Variants in NELL1 observed in about 807,000 individuals in gnomAD.
The protein encoded by NELL1 is neural EGFL like 1.
A neutral mutation model predicts 107.4 loss-of-function variants in NELL1; 76 were observed. That is an observed-to-expected ratio of 0.71 (90% confidence interval 0.59 to 0.86). The LOEUF is 0.86. Among genes scored for constraint, NELL1 ranks in the 40% least tolerant of loss-of-function variants. The probability of loss-of-function intolerance (pLI) is 0.00; values close to 1 mark genes in which losing one functional copy is unlikely to be tolerated. For missense variants in NELL1, 1,024 were observed against 1,005.5 expected (o/e 1.02, Z -0.25); for synonymous variants, 353 against 341.2 (o/e 1.03, Z -0.38).
chr11:20,745,077 C>T (rs1290498625), intron 2 of NELL1, among the ~76,000 whole-genome samples: 6 of 152,134 alleles, frequency 3.9e-5, no homozygotes, highest in Non-Finnish European at 7.4e-5. Context: ...CCAGGTATCA[C>T]TTCATTTACT....
intron 12 of NELL1, among the ~76,000 whole-genome samples, chr11:21,017,231 C>G (rs766647876): frequency 1.8e-4 from 27 of 152,214 alleles, no homozygotes; most frequent in Non-Finnish European, 3.1e-4. Flanking sequence ...CTGTTGCAGC[C>G]AGACACCTGG....
intron 15 of NELL1, among the ~76,000 whole-genome samples, chr11:21,431,833 G>A (rs1241187918): frequency 6.6e-6 from 1 of 152,100 alleles, no homozygotes; most frequent in Non-Finnish European, 1.5e-5. Flanking sequence ...GCTGTTAGCT[G>A]TTTCTCAACA....
chr11:21,265,082 C>G (rs1399634913), intron 14 of NELL1, among the ~76,000 whole-genome samples: 1 of 151,838 alleles, frequency 6.6e-6, no homozygotes, highest in East Asian at 1.9e-4. Flanking sequence ...TAAGCTGTTT[C>G]CAATTTCTAA....
chr11:21,289,711 G>T (rs952368961), intron 14 of NELL1, among the ~76,000 whole-genome samples: 1 of 152,164 alleles, frequency 6.6e-6, no homozygotes, highest in African/African-American at 2.4e-5. Flanking sequence ...AGGTGGTCTA[G>T]CTCATTGGAT....
chr11:21,376,339 T>G (rs948060193), intron 15 of NELL1, among the ~76,000 whole-genome samples: 2 of 152,170 alleles, frequency 1.3e-5, no homozygotes, highest in Admixed American at 6.6e-5. Context: ...GTCAACTTTA[T>G]TGAAGATCAG....
chr11:21,044,977 A>G (rs1330115460), intron 12 of NELL1, among the ~76,000 whole-genome samples: 1 of 152,178 alleles, frequency 6.6e-6, no homozygotes. Flanking sequence ...AAGCACAGAA[A>G]AGTAGAAAGT....
At chr11:21,197,038 A>C (rs1857169700) in intron 13 of NELL1, among the ~76,000 whole-genome samples, 1 of 151,102 alleles carries the variant, frequency 6.6e-6, no homozygotes, top group South Asian at 2.1e-4. Context: ...TGCCCGGCTA[A>C]TTTTTGTATT....
At chr11:20,829,295 C>T (rs142445866) in intron 3 of NELL1, among the ~76,000 whole-genome samples, 10,089 of 147,766 alleles carry the variant, frequency 0.068, 341 homozygotes, top group South Asian at 0.088. Flanking sequence ...GGTGCAATCG[C>T]GGCTCACTGC....
chr11:20,940,198 TC>T (rs1188415262), intron 10 of NELL1, among the ~76,000 whole-genome samples: 1 of 151,872 alleles, frequency 6.6e-6, no homozygotes, highest in Non-Finnish European at 1.5e-5. Context: ...CGTCCCTCTC[TC>T]TCTCTCTCTG....
intron 13 of NELL1, among the ~76,000 whole-genome samples, chr11:21,181,975 C>G (rs1364858771): frequency 4.0e-5 from 6 of 151,864 alleles, no homozygotes; most frequent in Non-Finnish European, 8.8e-5. Flanking sequence ...TTAATTCTCA[C>G]AACTATCTAA....
intron 14 of NELL1, among the ~76,000 whole-genome samples, chr11:21,317,996 TG>T (rs1309128968): frequency 6.6e-6 from 1 of 152,152 alleles, no homozygotes; most frequent in Non-Finnish European, 1.5e-5. Context: ...GGGTAAGACA[TG>T]GTGCCTCTAT....
At chr11:21,133,971 C>G (rs189812071) in intron 13 of NELL1, among the ~76,000 whole-genome samples, 1 of 152,370 alleles carries the variant, frequency 6.6e-6, no homozygotes, top group Non-Finnish European at 1.5e-5. Context: ...CATGCCTCCT[C>G]CACTGCAGCT....
chr11:20,758,388 C>T (rs1856344897), intron 2 of NELL1, among the ~76,000 whole-genome samples: 1 of 152,144 alleles, frequency 6.6e-6, no homozygotes, highest in Non-Finnish European at 1.5e-5. Flanking sequence ...ATGAATCTGG[C>T]TCCAAACCAC....
intron 4 of NELL1, among the ~76,000 whole-genome samples, chr11:20,877,007 A>AG (rs1389371016): frequency 6.6e-6 from 1 of 152,156 alleles, no homozygotes; most frequent in Admixed American, 6.5e-5. Flanking sequence ...TGAGGCTAAG[A>AG]GGGGAAAGGG....
chr11:21,384,928 T>C (rs1419381590), intron 15 of NELL1, among the ~76,000 whole-genome samples: 1 of 151,958 alleles, frequency 6.6e-6, no homozygotes, highest in Non-Finnish European at 1.5e-5. Context: ...TTTTAAAAAT[T>C]ATTTTATTAC....
chr11:21,562,640 AT>A (rs761902433), intron 17 of NELL1, among the ~76,000 whole-genome samples: 2 of 152,062 alleles, frequency 1.3e-5, no homozygotes, highest in Non-Finnish European at 2.9e-5. Context: ...AATACCTCCA[AT>A]ACTTACACAT....
intron 13 of NELL1, among the ~76,000 whole-genome samples, chr11:21,207,588 A>G (rs1857416317): frequency 6.6e-6 from 1 of 152,218 alleles, no homozygotes; most frequent in Non-Finnish European, 1.5e-5. Flanking sequence ...ACAAATAATG[A>G]AACTAGATGC....
chr11:21,127,612 G>A (rs185102310), intron 13 of NELL1, among the ~76,000 whole-genome samples: 2 of 152,064 alleles, frequency 1.3e-5, no homozygotes, highest in Admixed American at 1.3e-4. Context: ...AGAAGAGGAA[G>A]AGGAAGAAGA....
At chr11:21,113,392 G>A (rs147206564) in intron 12 of NELL1, among the ~76,000 whole-genome samples, 197 bp from the exon 13 acceptor site, 12 of 152,068 alleles carry the variant, frequency 7.9e-5, no homozygotes, top group East Asian at 1.9e-4. Flanking sequence ...ACCATGCATC[G>A]TTCTGGAAAC....
Sources: allele counts gnomAD v4.1 joint callset (sites outside exome capture counted in the v4.1 genomes callset), GRCh38; gene constraint gnomAD v4.1.1; transcripts MANE v1.5; gene names NCBI Gene and HGNC (gene_info 2026-07-23, HGNC 2026-07-21).